The following SNAPC1 variants were observed in gnomAD, a reference collection of about 807,000 sequenced individuals.
The protein encoded by SNAPC1 is snRNA-activating protein complex subunit 1.
In SNAPC1, 42 loss-of-function variants were observed where a neutral mutation model predicts 50.1. That is an observed-to-expected ratio of 0.84 (90% CI 0.65 to 1.08). The LOEUF (loss-of-function observed/expected upper bound fraction) is 1.08. Ranked by LOEUF, SNAPC1 falls within the 50% of genes least tolerant of loss-of-function variation. The pLI is 0.00. For missense variants in SNAPC1, 477 were observed against 427.3 expected (o/e 1.12, Z -1.02); for synonymous variants, 164 against 144.2 (o/e 1.14, Z -0.98).
intron 7 of SNAPC1, among the ~76,000 whole-genome samples, chr14:61,781,292 AC>A (rs1436576908): frequency 6.6e-6 from 1 of 152,020 alleles, no homozygotes; most frequent in South Asian, 2.1e-4. Flanking sequence ...TACTAAAAAT[AC>A]AAAAAATTAG....
At chr14:61,779,394 TC>T (rs2045055935) in intron 7 of SNAPC1, among the ~76,000 whole-genome samples, 1 of 152,088 alleles carries the variant, frequency 6.6e-6, no homozygotes, top group East Asian at 1.9e-4. Flanking sequence ...TCTTTTCTCT[TC>T]TTCAGCTTTT....
intron 7 of SNAPC1, 104 bp downstream of exon 7, chr14:61,779,014 A>G (rs2045053686): frequency 3.0e-6 from 2 of 663,630 alleles, no homozygotes; most frequent in African/African-American, 1.9e-5. Flanking sequence ...TTAAAAGTCA[A>G]ATAATGCTAG....
chr14:61,792,068 A>C (rs1319533300), intron 8 of SNAPC1, among the ~76,000 whole-genome samples: 1 of 151,458 alleles, frequency 6.6e-6, no homozygotes. Context: ...GCGCCACTGC[A>C]CTGCAGCCTG....
chr14:61,763,510 T>G (rs1286117361), intron 1 of SNAPC1, among the ~76,000 whole-genome samples: 52 of 144,588 alleles, frequency 3.6e-4, no homozygotes, highest in African/African-American at 1.2e-3. Context: ...TTTTTTTCTT[T>G]GGGCCCTCTA....
At chr14:61,771,524 T>C (rs915852013) in intron 4 of SNAPC1, among the ~76,000 whole-genome samples, 9 of 152,162 alleles carry the variant, frequency 5.9e-5, no homozygotes, top group East Asian at 3.9e-4. Context: ...TAGGAGAGAG[T>C]TTATGTAGAA....
chr14:61,794,995 G>A lies in SNAPC1; in HGVS notation c.*12G>A. The A allele has an allele frequency of 6.4e-7, 1 of 1,550,490 alleles. No homozygotes were observed. Among genetic ancestry groups the A allele is most frequent in the Non-Finnish European group, 8.7e-7 (1 of 1,147,860 alleles). On this transcript the variant is annotated 3_prime_UTR_variant, in exon 10 of 10. Transcript: ENST00000216294. ...GGAGAAAACACTGAACAAAGAGCCT[G>A]GTGTAGTTTTTAATTTTGAGTTTTC... is the stretch of plus-strand genomic sequence containing the variant.
At chr14:61,784,375 A>G (rs1292978040) in intron 8 of SNAPC1, among the ~76,000 whole-genome samples, 1 of 152,208 alleles carries the variant, frequency 6.6e-6, no homozygotes, top group Admixed American at 6.5e-5. Context: ...ATGATTTACC[A>G]CATCAATAGG....
chr14:61,785,391 CAA>C (rs1324458602), intron 8 of SNAPC1, among the ~76,000 whole-genome samples: 2 of 151,728 alleles, frequency 1.3e-5, no homozygotes, highest in East Asian at 1.9e-4. Flanking sequence ...ACCTGGGCAA[CAA>C]GAGCGAAATT....
chr14:61,780,445 C>T (rs139834910), intron 7 of SNAPC1, among the ~76,000 whole-genome samples: 195 of 152,244 alleles, frequency 1.3e-3, no homozygotes, highest in African/African-American at 4.4e-3. Context: ...ATGCACCTGC[C>T]TGTTTTTTCA....
chr14:61,763,047 A>G (rs1247830398), intron 1 of SNAPC1, among the ~76,000 whole-genome samples: 3 of 126,096 alleles, frequency 2.4e-5, no homozygotes, highest in African/African-American at 8.9e-5. Flanking sequence ...CTGGAGTGCA[A>G]TGGCGCGTTC....
chr14:61,769,666 G>C (rs907487535), intron 4 of SNAPC1, among the ~76,000 whole-genome samples: 8 of 152,120 alleles, frequency 5.3e-5, no homozygotes, highest in African/African-American at 1.9e-4. Flanking sequence ...CAAAGTGCTG[G>C]GATTACAGGC....
intron 1 of SNAPC1, among the ~76,000 whole-genome samples, chr14:61,764,716 A>G (rs929513906): frequency 3.3e-5 from 5 of 152,240 alleles, no homozygotes; most frequent in African/African-American, 1.2e-4. Flanking sequence ...AAAATGTAAC[A>G]TTTACATTTT....
At chr14:61,779,021 C>A in intron 7 of SNAPC1, 111 bp downstream of exon 7, 1 of 634,940 alleles carries the variant, frequency 1.6e-6, no homozygotes. Flanking sequence ...TCAAATAATG[C>A]TAGAGAGATT....
intron 7 of SNAPC1, among the ~76,000 whole-genome samples, chr14:61,780,301 C>G (rs931002458): frequency 6.6e-6 from 1 of 152,210 alleles, no homozygotes; most frequent in Non-Finnish European, 1.5e-5. Context: ...CCTTCCTCAC[C>G]TACACCAGTT....
Position 61,767,334 on chromosome 14 carries a change from T to C in SNAPC1, c.411T>C (p.Phe137=). ...RKLRLDRAFH[F]TAMPKLLSYR... The stretch of plus-strand genomic sequence containing the variant: ...TACGACTAGACAGAGCATTTCACTT[T>C]ACAGCAATGCCCAAATTGGTATGTT... Residue 137 remains phenylalanine (F), a synonymous_variant, in exon 3 of 10, where the codon TTT becomes TTC. Transcript: ENST00000216294. 1 of 1,476,182 alleles carries C rather than the reference T, an allele frequency of 6.8e-7. No homozygotes were observed. Among genetic ancestry groups the C allele is most frequent in the South Asian group, 1.4e-5 (1 of 69,340 alleles). 91.4% of individuals were successfully genotyped at this position (1,476,182 alleles called of 1,614,324 possible).
At chr14:61,785,471 T>C (rs776515846) in intron 8 of SNAPC1, among the ~76,000 whole-genome samples, 5 of 152,180 alleles carry the variant, frequency 3.3e-5, no homozygotes, top group Admixed American at 6.5e-5. Context: ...AATAGTCTAA[T>C]GTCTACTGAG....
At chr14:61,778,947 C>T in intron 7 of SNAPC1, 37 bp downstream of exon 7, 7 of 1,149,798 alleles carry the variant, frequency 6.1e-6, no homozygotes, top group Non-Finnish European at 8.8e-6. Flanking sequence ...TGGAAATTGA[C>T]TGCTTTTTAA....
chr14:61,793,653 CTTTTTTTCTTTT>C (rs2045168374), intron 9 of SNAPC1, among the ~76,000 whole-genome samples: 1 of 38,976 alleles, frequency 2.6e-5, no homozygotes, highest in Non-Finnish European at 7.6e-5. Context: ...TTTTTCTTTT[CTTTTTTTCTTTT>C]TTTTTTTTTG....
chr14:61,771,061 G>C (rs1427847314), intron 4 of SNAPC1, among the ~76,000 whole-genome samples: 1 of 152,034 alleles, frequency 6.6e-6, no homozygotes, highest in African/African-American at 2.4e-5. Context: ...ACATTTTTAG[G>C]GTGAGGTACT....
Sources: gnomAD v4.1 joint callset for allele counts (sites outside exome capture counted in the v4.1 genomes callset) on GRCh38, gnomAD v4.1.1 for gene constraint, MANE v1.5 for transcripts, NCBI Gene and HGNC (gene_info 2026-07-23, HGNC 2026-07-21) for gene names.